The following PPM1L variants were observed in gnomAD, a reference collection of about 807,000 sequenced individuals.
The protein encoded by PPM1L is protein phosphatase, Mg2+/Mn2+ dependent 1L.
In PPM1L, 13 loss-of-function variants were observed where a neutral mutation model predicts 31.4. The observed-to-expected ratio is 0.41, with a 90% CI of 0.27 to 0.66. The LOEUF is 0.66. Ranked by LOEUF, PPM1L falls within the 30% of genes least tolerant of loss-of-function variation. The probability of loss-of-function intolerance (pLI) is 0.29; values close to 1 mark genes in which losing one functional copy is unlikely to be tolerated. For missense variants in PPM1L, 326 were observed against 453.7 expected (o/e 0.72, Z 2.56); for synonymous variants, 184 against 175.4 (o/e 1.05, Z -0.39).
At chr3:160,987,988 C>T (rs1484161586) in intron 2 of PPM1L, among the ~76,000 whole-genome samples, 1 of 152,170 alleles carries the variant, frequency 6.6e-6, no homozygotes, top group African/African-American at 2.4e-5. Flanking sequence ...TTTTCCTTTC[C>T]TGACCCTGGA....
At chr3:160,933,167 T>C (rs183369074) in intron 1 of PPM1L, among the ~76,000 whole-genome samples, 1 of 152,334 alleles carries the variant, frequency 6.6e-6, no homozygotes, top group Admixed American at 6.5e-5. Context: ...AATTGCCTTG[T>C]ATTATATGCC....
At chr3:160,816,495 C>T (rs1258500017) in intron 1 of PPM1L, among the ~76,000 whole-genome samples, 1 of 148,164 alleles carries the variant, frequency 6.7e-6, no homozygotes, top group African/African-American at 2.5e-5. Context: ...TTTTTTTTAA[C>T]CCAGCTAAGC....
chr3:160,759,584 G>C (rs553271781), intron 1 of PPM1L, among the ~76,000 whole-genome samples: 4 of 152,052 alleles, frequency 2.6e-5, no homozygotes, highest in African/African-American at 4.8e-5. Context: ...GGGATACAAG[G>C]GTGAATGAAA....
intron 1 of PPM1L, among the ~76,000 whole-genome samples, chr3:160,835,561 A>T (rs1026692542): frequency 6.6e-6 from 1 of 151,840 alleles, no homozygotes; most frequent in Non-Finnish European, 1.5e-5. Flanking sequence ...ATACTCCACC[A>T]TCATCCGTGC....
chr3:160,883,914 A>C (rs1712819223), intron 1 of PPM1L, among the ~76,000 whole-genome samples: 1 of 151,688 alleles, frequency 6.6e-6, no homozygotes, highest in African/African-American at 2.4e-5. Flanking sequence ...AAAATTAAAA[A>C]AAAAATCTAT....
intron 2 of PPM1L, among the ~76,000 whole-genome samples, chr3:161,020,517 A>G (rs1050193172): frequency 6.6e-6 from 1 of 152,216 alleles, no homozygotes; most frequent in Admixed American, 6.5e-5. Context: ...AACTAGGGAA[A>G]TGCAAGTGAA....
At chr3:160,976,326 TA>T (rs1358385707) in intron 2 of PPM1L, among the ~76,000 whole-genome samples, 3 of 145,764 alleles carry the variant, frequency 2.1e-5, no homozygotes, top group Non-Finnish European at 4.5e-5. Context: ...GATATTGGTC[TA>T]AAATTCTCTT....
Position 160,841,691 on chromosome 3 carries a change from T to G in PPM1L, c.399+84984T>G, listed in dbSNP as rs79350648. ...GAAACCTACTTGCCGCTATTAAACT[T>G]ATTACTGCCTTTTCCAGTGGGTGCA... On this transcript the variant is annotated intron_variant, in intron 1 of 3. Coordinates refer to ENST00000498165, the MANE Select transcript of PPM1L (RefSeq NM_139245.4). 1.6e-3 allele frequency among the ~76,000 whole-genome samples: 249 copies of G among 152,324 alleles called. 2 individuals carry two copies. In the East Asian group the frequency reaches 0.021, roughly 13 times the overall value.
intron 1 of PPM1L, among the ~76,000 whole-genome samples, chr3:160,927,795 AG>A (rs1187890117): frequency 6.6e-6 from 1 of 152,240 alleles, no homozygotes; most frequent in Non-Finnish European, 1.5e-5. Flanking sequence ...ATTTTTGGTC[AG>A]GCAGTTGCTA....
At chr3:160,800,117 A>G (rs1272191659) in intron 1 of PPM1L, among the ~76,000 whole-genome samples, 1 of 152,230 alleles carries the variant, frequency 6.6e-6, no homozygotes, top group Non-Finnish European at 1.5e-5. Flanking sequence ...GATTTTAAAA[A>G]CAGCTAAATT....
At chr3:161,025,641 T>C (rs1215035372) in intron 2 of PPM1L, among the ~76,000 whole-genome samples, 1 of 151,842 alleles carries the variant, frequency 6.6e-6, no homozygotes, top group Non-Finnish European at 1.5e-5. Context: ...TCTTCTACCA[T>C]GTGAGGACTC....
At chr3:160,858,342 A>G (rs1711788722) in intron 1 of PPM1L, among the ~76,000 whole-genome samples, 1 of 151,908 alleles carries the variant, frequency 6.6e-6, no homozygotes, top group Non-Finnish European at 1.5e-5. Flanking sequence ...CGCCTCCCAG[A>G]TTCAATTGAT....
At chr3:160,768,502 A>G (rs914715341) in intron 1 of PPM1L, among the ~76,000 whole-genome samples, 1 of 152,214 alleles carries the variant, frequency 6.6e-6, no homozygotes, top group Admixed American at 6.5e-5. Flanking sequence ...TTAAATATTA[A>G]CATTAAATTT....
At chr3:161,002,185 G>T (rs557673127) in intron 2 of PPM1L, among the ~76,000 whole-genome samples, 2 of 152,070 alleles carry the variant, frequency 1.3e-5, no homozygotes, top group Admixed American at 1.3e-4. Context: ...TTTTATGGCC[G>T]CATAGTATTC....
At chr3:161,007,876 G>A (rs773831054) in intron 2 of PPM1L, among the ~76,000 whole-genome samples, 34 of 152,112 alleles carry the variant, frequency 2.2e-4, no homozygotes, top group Non-Finnish European at 3.8e-4. Context: ...GGTAATAAGA[G>A]GGAGAAGATA....
At chr3:160,883,334 A>G (rs1052731919) in intron 1 of PPM1L, among the ~76,000 whole-genome samples, 1 of 152,194 alleles carries the variant, frequency 6.6e-6, no homozygotes, top group African/African-American at 2.4e-5. Flanking sequence ...AACAAAATAT[A>G]TGTGATATCC....
chr3:160,756,299 G>C lies in PPM1L; in HGVS notation c.-10G>C, dbSNP rs774931579. ...GTCGCTGGTGGTGGTTGAGGCTCTA[G>C]CGATAATAAATGATAGAGGATACAA... is the stretch of plus-strand genomic sequence containing the variant. On this transcript the variant is annotated 5_prime_UTR_variant, in exon 1 of 4. Coordinates refer to ENST00000498165, the MANE Select transcript of PPM1L (RefSeq NM_139245.4). This position sits in a 1 kb window ranked among gnomAD's most constrained non-coding sequence, Gnocchi z 6.2. 8 of 1,599,654 alleles carry C rather than the reference G, an allele frequency of 5.0e-6. No individual in the cohort carries two copies. The South Asian group carries it at 8.9e-5, about 18-fold the overall frequency.
chr3:160,983,608 T>C (rs955891211), intron 2 of PPM1L, among the ~76,000 whole-genome samples: 3 of 152,234 alleles, frequency 2.0e-5, no homozygotes, highest in African/African-American at 7.2e-5. Context: ...TCTCAGCATT[T>C]TCCTATATCT....
At chr3:160,781,817 A>T (rs1711754694) in intron 1 of PPM1L, among the ~76,000 whole-genome samples, 1 of 152,172 alleles carries the variant, frequency 6.6e-6, no homozygotes, top group Non-Finnish European at 1.5e-5. Context: ...TTTTGAAATC[A>T]AAGTGCAGAA....
Sources: allele counts gnomAD v4.1 joint callset (sites outside exome capture counted in the v4.1 genomes callset), GRCh38; gene constraint gnomAD v4.1.1; non-coding constraint Gnocchi (gnomAD v3.1); transcripts MANE v1.5; gene names NCBI Gene and HGNC (gene_info 2026-07-23, HGNC 2026-07-21).